CACNA1I: variants seen among roughly 807,000 people sequenced by gnomAD.
CACNA1I encodes the protein calcium voltage-gated channel subunit alpha1 I, also known as voltage-dependent T-type calcium channel subunit alpha-1I.
Under a neutral mutation model 201.6 loss-of-function variants are expected in CACNA1I, and 74 were observed. The ratio of observed to expected loss-of-function variants is 0.37; its 90% confidence interval spans 0.30 to 0.45. CACNA1I has a LOEUF of 0.45. Ranked by LOEUF, CACNA1I falls within the 20% of genes least tolerant of loss-of-function variation. The pLI is 1.00. For missense variants in CACNA1I, 2,346 were observed against 3,138.1 expected (o/e 0.75, Z 6.03); for synonymous variants, 1,431 against 1,345.2 (o/e 1.06, Z -1.40).
chr22:39,614,765 G>T (rs1050394747), intron 3 of CACNA1I, among the ~76,000 whole-genome samples: 1 of 152,170 alleles, frequency 6.6e-6, no homozygotes, highest in African/African-American at 2.4e-5. Flanking sequence ...GGAAGAAATG[G>T]TGTCCACCCT....
intron 10 of CACNA1I, among the ~76,000 whole-genome samples, chr22:39,656,063 G>T (rs1380482459): frequency 6.6e-6 from 1 of 152,154 alleles, no homozygotes; most frequent in Non-Finnish European, 1.5e-5. Context: ...CCTCCCCACC[G>T]AGGGTCCCTC....
Position 39,684,077 on chromosome 22 carries a change from C to T in CACNA1I, c.5831-225C>T, listed in dbSNP as rs1601533876. Among the ~76,000 whole-genome samples the T allele has an allele frequency of 4.6e-5, 7 of 152,188 alleles. No homozygotes were observed. The highest frequency in any genetic ancestry group is 4.6e-4 in the Admixed American group (7 of 15,292). On this transcript the variant is annotated intron_variant, in intron 35 of 36. Transcript: ENST00000402142. This position sits in a 1 kb window ranked among gnomAD's most constrained non-coding sequence, Gnocchi z 4.6. ...CCAAAAGCTGTGTCTTTGCCCAGGG[C>T]CCCCGCCCCCTGGAATCAAAAGGGC...
intron 4 of CACNA1I, among the ~76,000 whole-genome samples, chr22:39,620,762 GTTTT>G (rs71751650): frequency 0.32 from 48,181 of 151,176 alleles, 9,544 homozygotes; most frequent in East Asian, 0.84. Context: ...TTGTTTGTTT[GTTTT>G]TTTTGAGACA....
chr22:39,652,614 C>A (rs1934683421), intron 10 of CACNA1I, among the ~76,000 whole-genome samples: 1 of 152,174 alleles, frequency 6.6e-6, no homozygotes, highest in African/African-American at 2.4e-5. Flanking sequence ...GGGTTTCAAT[C>A]CTGGTTCTGG....
intron 4 of CACNA1I, 91 bp from the exon 5 acceptor site, chr22:39,634,474 C>T (rs1225747004): frequency 2.8e-5 from 35 of 1,249,636 alleles, no homozygotes; most frequent in Non-Finnish European, 4.0e-5. Context: ...ATCCCCCTCC[C>T]CCTCCCTGTT....
rs1935910240 is a variant in CACNA1I, at chr22:39,687,101, C to G, written c.*696C>G. The G allele has an allele frequency of 6.6e-6, 1 of 152,206 alleles. No homozygotes were observed. Among genetic ancestry groups the G allele is most frequent in the African/African-American group, 2.4e-5 (1 of 41,424 alleles). 9.4% of individuals were successfully genotyped at this position (152,206 alleles called of 1,614,324 possible). ...CCCTTAGTCCACCGGTTAGATGTCTCTCTTTAGAAAAATCAGGGGTGAGTA... is the reference window on the plus strand; with the variant it reads ...CCCTTAGTCCACCGGTTAGATGTCTGTCTTTAGAAAAATCAGGGGTGAGTA... On this transcript the variant is annotated 3_prime_UTR_variant, in exon 37 of 37. Transcript: ENST00000402142.
chr22:39,660,347 G>C lies in CACNA1I; in HGVS notation c.2608G>C (p.Asp870His). 1 of 1,611,954 alleles carries C rather than the reference G, an allele frequency of 6.2e-7. No individual in the cohort carries two copies. Among genetic ancestry groups the C allele is most frequent in the Non-Finnish European group, 8.5e-7 (1 of 1,179,116 alleles). The change falls in exon 15 of 37, where the codon GAC (aspartate) becomes CAC (histidine). Residue 870 changes from aspartate (D) to histidine (H), a missense_variant. Around this residue, in one of 13 missense-constraint regions of CACNA1I, gnomAD observed 92 missense variants for 114.5 expected, o/e 0.80. Coordinates refer to ENST00000402142, the MANE Select transcript of CACNA1I (RefSeq NM_021096.4). ...AACGTGACGGATGCTCTCCCAGGGT[G>C]ACGCCAATCGCTCCTACTCGGACGA... The part of the protein sequence containing the change: ...ILVEGFQAEG[D>H]ANRSYSDEDQ...
chr22:39,683,724 C>G (rs1273386322), intron 35 of CACNA1I, among the ~76,000 whole-genome samples: 1 of 147,312 alleles, frequency 6.8e-6, no homozygotes, highest in Non-Finnish European at 1.5e-5. Flanking sequence ...ACACCCAGAC[C>G]TGCCCCAGCC....
intron 27 of CACNA1I, 116 bp downstream of exon 27, chr22:39,672,424 G>A: frequency 1.4e-6 from 1 of 734,662 alleles, no homozygotes; most frequent in Admixed American, 2.0e-5. Flanking sequence ...AAGCATCTAG[G>A]CACGGATGGA....
chr22:39,674,173 C>A, intron 29 of CACNA1I, 140 bp downstream of exon 29: 1 of 785,182 alleles, frequency 1.3e-6, no homozygotes, highest in Admixed American at 2.5e-5. Context: ...GCATTTTGAG[C>A]CAGGGGCTGA....
At position 39,656,369 on chromosome 22, in the gene CACNA1I, C is replaced by T. The variant is rs772507956; in HGVS notation, c.1993-1783C>T. On this transcript the variant is annotated intron_variant, in intron 10 of 36. Transcript: ENST00000402142. ...CTGGGTCCTCCACCTGCACACCCTT[C>T]TCTGCTCCCTGGCGCCAGCTCTCTC... 51 of 518,120 alleles carry T rather than the reference C, an allele frequency of 9.8e-5. No individual in the cohort carries two copies. In the Admixed American group the frequency reaches 9.9e-4, roughly 10 times the overall value. 32.1% of individuals were successfully genotyped at this position (518,120 alleles called of 1,614,324 possible).
Position 39,665,996 on chromosome 22 carries a change from A to G in CACNA1I, c.4094A>G (p.Asn1365Ser), listed in dbSNP as rs1935181065. The stretch of plus-strand genomic sequence containing the variant: ...GTCCATCACAAATACAACTTCGACA[A>G]CCTGGGCCAGGTGAGCACCACCGTC... ...RWVHHKYNFD[N>S]LGQALMSLFV... The change falls in exon 23 of 37, where the codon AAC becomes AGC. Residue 1365 changes from asparagine to serine, a missense_variant. By Grantham distance (46) the Asn-to-Ser change is conservative. Coordinates refer to ENST00000402142, the MANE Select transcript of CACNA1I (RefSeq NM_021096.4). The surrounding 1 kb of genome is among the most constrained non-coding windows in gnomAD (Gnocchi z 5.5). The G allele has an allele frequency of 1.3e-5, 21 of 1,613,322 alleles. No homozygotes were observed. The highest frequency in any genetic ancestry group is 1.7e-5 in the Non-Finnish European group (20 of 1,179,772).
chr22:39,659,180 G>A lies in CACNA1I; in HGVS notation c.2330+64G>A. On this transcript the variant is annotated intron_variant, in intron 12 of 36. Transcript: ENST00000402142. This position sits in a 1 kb window ranked among gnomAD's most constrained non-coding sequence, Gnocchi z 4.3. ...CTGGGGCTGTGGGCGGGAGCCTGGG[G>A]GATGTGGTCCACTGTGCTTCTCTGG... 1 of 1,585,876 alleles carries A rather than the reference G, an allele frequency of 6.3e-7. No homozygotes were observed. Among genetic ancestry groups the A allele is most frequent in the Non-Finnish European group, 8.6e-7 (1 of 1,166,684 alleles).
chr22:39,610,740 C>T (rs760460717), intron 3 of CACNA1I, among the ~76,000 whole-genome samples: 1 of 152,096 alleles, frequency 6.6e-6, no homozygotes, highest in Non-Finnish European at 1.5e-5. Context: ...TGCTCCTATC[C>T]CACAGCTCTG....
rs762485808 is a variant in CACNA1I, at chr22:39,686,192, C to T, written c.6459C>T (p.Phe2153=). ...CCGGCCTCACGCCCGCCAGGAAGTT[C>T]AGCAGCACCAGCAGCCTGGCCGCCC... ...PAPGLTPARK[F]SSTSSLAAPG... is the part of the protein sequence containing the mutation. Residue 2153 remains phenylalanine (F), a synonymous_variant, in exon 37 of 37, where the codon TTC becomes TTT. Coordinates refer to ENST00000402142, the MANE Select transcript of CACNA1I (RefSeq NM_021096.4). The T allele has an allele frequency of 7.8e-7, 1 of 1,274,500 alleles. No homozygotes were observed. Among genetic ancestry groups the T allele is most frequent in the South Asian group, 2.6e-5 (1 of 38,492 alleles). 78.9% of individuals were successfully genotyped at this position (1,274,500 alleles called of 1,614,324 possible). A position where few individuals can be genotyped will look rare whatever the true frequency, so the allele number is the denominator to read the frequency against.
chr22:39,584,664 A>C (rs1006610889), intron 1 of CACNA1I, among the ~76,000 whole-genome samples: 4 of 152,216 alleles, frequency 2.6e-5, no homozygotes, highest in African/African-American at 7.2e-5. Context: ...CAAGGGGAAG[A>C]GAGTTTCTAG....
Position 39,651,246 on chromosome 22 carries a change from C to T in CACNA1I, c.1992+1321C>T, listed in dbSNP as rs55970336. 1.6e-3 allele frequency among the ~76,000 whole-genome samples: 237 copies of T among 152,288 alleles called. 1 individual carries two copies. Among genetic ancestry groups the T allele is most frequent in the African/African-American group, 5.2e-3 (218 of 41,556 alleles). ...GACGCCCCGGGAGGGCTTGGGATTT[C>T]GACATTCTGTTTGCTGCCCTGCGGC... On this transcript the variant is annotated intron_variant, in intron 10 of 36. Transcript: ENST00000402142.
chr22:39,662,642 C>T (rs1303483727), intron 17 of CACNA1I, 134 bp from the exon 18 acceptor site: 5 of 726,628 alleles, frequency 6.9e-6, no homozygotes, highest in African/African-American at 3.5e-5. Flanking sequence ...GGAGAGAAGC[C>T]CTCCCTGGCT....
At chr22:39,658,051 C>G in intron 10 of CACNA1I, 101 bp from the exon 11 acceptor site, 1 of 1,284,356 alleles carries the variant, frequency 7.8e-7, no homozygotes, top group South Asian at 1.3e-5. Context: ...GTGAGGACAC[C>G]GACCTGCCAG....
Sources: allele counts gnomAD v4.1 joint callset (sites outside exome capture counted in the v4.1 genomes callset), GRCh38; gene constraint gnomAD v4.1.1; regional missense constraint gnomAD v4.1.1; non-coding constraint Gnocchi (gnomAD v3.1); transcripts MANE v1.5; gene names NCBI Gene and HGNC (gene_info 2026-07-23, HGNC 2026-07-21).